The following PHACTR1 variants were observed in gnomAD, a reference collection of about 807,000 sequenced individuals.
The protein encoded by PHACTR1 is phosphatase and actin regulator 1.
A neutral mutation model predicts 69.2 loss-of-function variants in PHACTR1; 16 were observed. The ratio of observed to expected loss-of-function variants is 0.23; its 90% CI spans 0.16 to 0.35. The LOEUF (loss-of-function observed/expected upper bound fraction) is 0.35, where lower values mean the gene tolerates loss of function less well. PHACTR1 is among the 10% of genes least tolerant of loss of function. The pLI is 1.00. For missense variants in PHACTR1, 510 were observed against 734.7 expected, an observed-to-expected ratio of 0.69 and a Z score of 3.54; for synonymous variants, 312 against 284.5, an observed-to-expected ratio of 1.10 and a Z score of -0.97.
At chr6:13,047,778 G>A (rs1399587349) in intron 4 of PHACTR1, among the ~76,000 whole-genome samples, 1 of 151,908 alleles carries the variant, frequency 6.6e-6, no homozygotes, top group East Asian at 1.9e-4. Flanking sequence ...ACTGTATGAC[G>A]AGCACTTTCT....
chr6:12,910,778 T>C (rs946775463), intron 4 of PHACTR1, among the ~76,000 whole-genome samples: 6 of 152,132 alleles, frequency 3.9e-5, no homozygotes, highest in Non-Finnish European at 5.9e-5. Context: ...AAAACTAAGG[T>C]GCAAAGACAG....
At chr6:13,137,730 A>G (rs1821777131) in intron 5 of PHACTR1, among the ~76,000 whole-genome samples, 2 of 152,224 alleles carry the variant, frequency 1.3e-5, no homozygotes, top group Admixed American at 1.3e-4. Flanking sequence ...CACTAGGGAG[A>G]GAGTCTTGTT....
intron 4 of PHACTR1, among the ~76,000 whole-genome samples, chr6:12,905,699 T>G (rs1204939514): frequency 1.3e-5 from 2 of 152,230 alleles, no homozygotes; most frequent in Non-Finnish European, 2.9e-5. Context: ...GACAGGATTT[T>G]GGTGGCTTGA....
At chr6:12,899,436 G>A (rs1044471952) in intron 4 of PHACTR1, among the ~76,000 whole-genome samples, 1 of 152,190 alleles carries the variant, frequency 6.6e-6, no homozygotes, top group Non-Finnish European at 1.5e-5. Flanking sequence ...GTCATAAACT[G>A]TTAAAATAGC....
chr6:12,809,383 A>G (rs1774765564), intron 4 of PHACTR1, among the ~76,000 whole-genome samples: 1 of 152,204 alleles, frequency 6.6e-6, no homozygotes, highest in African/African-American at 2.4e-5. Flanking sequence ...CCCACAACAG[A>G]TATCACTCAT....
intron 4 of PHACTR1, among the ~76,000 whole-genome samples, chr6:12,947,014 T>C (rs978648725): frequency 4.0e-5 from 6 of 151,860 alleles, no homozygotes; most frequent in African/African-American, 1.5e-4. Flanking sequence ...GGTTTCACCA[T>C]GTTGGTCAGC....
At chr6:13,076,649 T>C (rs12216401) in intron 5 of PHACTR1, among the ~76,000 whole-genome samples, 70,104 of 151,698 alleles carry the variant, frequency 0.46, 18,754 homozygotes, top group East Asian at 0.83. Flanking sequence ...TGTGGCCCAG[T>C]TGGAGCTGGA....
chr6:12,827,574 T>A (rs992235427), intron 4 of PHACTR1, among the ~76,000 whole-genome samples: 4 of 152,020 alleles, frequency 2.6e-5, no homozygotes, highest in African/African-American at 9.7e-5. Context: ...ATAGACAGAG[T>A]CAAGAGAGGT....
At chr6:12,742,924 C>T (rs563486664) in intron 3 of PHACTR1, among the ~76,000 whole-genome samples, 23 of 152,190 alleles carry the variant, frequency 1.5e-4, no homozygotes, top group African/African-American at 4.8e-4. Context: ...CATTCCTACA[C>T]AAAGAGTACA....
At chr6:12,830,309 TTAAGA>T in intron 4 of PHACTR1, among the ~76,000 whole-genome samples, 1 of 149,930 alleles carries the variant, frequency 6.7e-6, no homozygotes, top group Middle Eastern at 3.4e-3. Context: ...TGGATTGCCC[TTAAGA>T]TAAGATTCAA....
At chr6:12,820,302 T>C (rs1776061867) in intron 4 of PHACTR1, among the ~76,000 whole-genome samples, 1 of 152,142 alleles carries the variant, frequency 6.6e-6, no homozygotes, top group South Asian at 2.1e-4. Context: ...TGCCTCAGCC[T>C]CCCAAGGAGC....
At chr6:12,942,840 A>G (rs1298902564) in intron 4 of PHACTR1, among the ~76,000 whole-genome samples, 1 of 152,222 alleles carries the variant, frequency 6.6e-6, no homozygotes, top group African/African-American at 2.4e-5. Context: ...ATACAAGCAC[A>G]CATATCCCAA....
At chr6:13,098,591 A>G (rs1814645166) in intron 5 of PHACTR1, among the ~76,000 whole-genome samples, 1 of 152,204 alleles carries the variant, frequency 6.6e-6, no homozygotes, top group South Asian at 2.1e-4. Context: ...CAAGATGGCC[A>G]AAACTAAACT....
chr6:12,871,333 T>C (rs1782001866), intron 4 of PHACTR1, among the ~76,000 whole-genome samples: 1 of 152,208 alleles, frequency 6.6e-6, no homozygotes, highest in African/African-American at 2.4e-5. Context: ...CTTCCCTGTG[T>C]CCAAATGTTC....
chr6:13,056,631 T>C (rs911659117), intron 5 of PHACTR1, among the ~76,000 whole-genome samples: 6 of 152,166 alleles, frequency 3.9e-5, no homozygotes, highest in African/African-American at 1.2e-4. Flanking sequence ...ACCACTGCAA[T>C]AGGGTCTTGC....
chr6:12,724,391 A>G (rs781536465), intron 3 of PHACTR1, among the ~76,000 whole-genome samples: 2 of 152,224 alleles, frequency 1.3e-5, no homozygotes, highest in African/African-American at 2.4e-5. Context: ...TGCCCCTTGT[A>G]TATTCATTGT....
chr6:12,770,782 CT>C (rs1314775400), intron 4 of PHACTR1, among the ~76,000 whole-genome samples: 1 of 151,934 alleles, frequency 6.6e-6, no homozygotes, highest in Non-Finnish European at 1.5e-5. Flanking sequence ...AGCTTCTGTG[CT>C]GGGGGGTTAG....
intron 4 of PHACTR1, among the ~76,000 whole-genome samples, chr6:12,955,482 T>A (rs1465281245): frequency 6.6e-6 from 1 of 152,154 alleles, no homozygotes; most frequent in Non-Finnish European, 1.5e-5. Flanking sequence ...TGAGCCACCA[T>A]GCCTGGCCCC....
At chr6:13,168,856 G>C (rs1418987933) in intron 6 of PHACTR1, among the ~76,000 whole-genome samples, 1 of 152,204 alleles carries the variant, frequency 6.6e-6, no homozygotes, top group Non-Finnish European at 1.5e-5. Flanking sequence ...AGTCAGGACA[G>C]ATCATGCAGA....
Sources: allele counts gnomAD v4.1 joint callset (sites outside exome capture counted in the v4.1 genomes callset), GRCh38; gene constraint gnomAD v4.1.1; transcripts MANE v1.5; gene names NCBI Gene and HGNC (gene_info 2026-07-23, HGNC 2026-07-21).